CDH12: variants seen among roughly 807,000 people sequenced by gnomAD.
The protein encoded by CDH12 is cadherin-12.
CDH12 carries 41 observed loss-of-function variants against 74.1 expected under a neutral mutation model. The ratio of observed to expected loss-of-function variants is 0.55; its 90% CI spans 0.43 to 0.72. The LOEUF is 0.72. Among genes scored for constraint, CDH12 ranks in the 30% least tolerant of loss-of-function variants. The probability of loss-of-function intolerance (pLI) is 0.00; values close to 1 mark genes in which losing one functional copy is unlikely to be tolerated. For synonymous variants in CDH12, 399 were observed against 355.0 expected (o/e 1.12, Z -1.39); for missense variants, 945 against 977.2 (o/e 0.97, Z 0.44).
intron 1 of CDH12, among the ~76,000 whole-genome samples, chr5:22,695,994 T>C (rs1418926532): frequency 2.6e-5 from 4 of 152,114 alleles, no homozygotes; most frequent in African/African-American, 7.2e-5. Flanking sequence ...TTCAGTTGAG[T>C]TTTAAATTAG....
chr5:22,370,125 G>T (rs1264496148), intron 3 of CDH12, among the ~76,000 whole-genome samples: 1 of 152,066 alleles, frequency 6.6e-6, no homozygotes, highest in Non-Finnish European at 1.5e-5. Context: ...CACTCAAATA[G>T]CAACATTAAG....
chr5:21,811,957 G>T (rs1290093092), intron 9 of CDH12, among the ~76,000 whole-genome samples: 3 of 151,910 alleles, frequency 2.0e-5, no homozygotes, highest in Non-Finnish European at 4.4e-5. Flanking sequence ...AAATAAAAAT[G>T]CCTTTCTTCA....
chr5:22,117,550 C>T (rs7445535), intron 4 of CDH12, among the ~76,000 whole-genome samples: 4 of 99,492 alleles, frequency 4.0e-5, no homozygotes, highest in Admixed American at 1.2e-4. Context: ...ATAGTGTGTG[C>T]GTGTGTGTTT....
At chr5:21,968,387 C>T (rs546317287) in intron 6 of CDH12, among the ~76,000 whole-genome samples, 1 of 152,170 alleles carries the variant, frequency 6.6e-6, no homozygotes, top group East Asian at 1.9e-4. Flanking sequence ...CTACATACAA[C>T]TAGGAAATGA....
chr5:22,499,072 T>G, intron 2 of CDH12, among the ~76,000 whole-genome samples: 1 of 146,660 alleles, frequency 6.8e-6, no homozygotes, highest in East Asian at 2.0e-4. Context: ...CCCGGCTAAT[T>G]TTTTTTTTTT....
chr5:22,039,280 G>C (rs1739409639), intron 5 of CDH12, among the ~76,000 whole-genome samples: 1 of 152,042 alleles, frequency 6.6e-6, no homozygotes, highest in Non-Finnish European at 1.5e-5. Context: ...CTTCTCCAGA[G>C]CTGGGCCCTG....
In CDH12 at chr5:21,990,754, A is replaced by G. The variant is rs567204666; in HGVS notation, c.232-15369T>C. Among the ~76,000 whole-genome samples the G allele has an allele frequency of 3.9e-4, 59 of 151,134 alleles. 1 individual carries two copies. The highest frequency in any genetic ancestry group is 1.3e-3 in the African/African-American group (53 of 41,396). ...ACACTATGATTACAATCCTTCTATT[A>G]GCATTCTCATGTTGTAGATACAGAA... On this transcript the variant is annotated intron_variant, in intron 5 of 14. Transcript: ENST00000382254.
chr5:21,940,063 A>T (rs373749048), intron 6 of CDH12, among the ~76,000 whole-genome samples: 1,968 of 152,062 alleles, frequency 0.013, 14 homozygotes, highest in African/African-American at 0.023. Flanking sequence ...TCTACTTAAA[A>T]AAATAAATAA....
chr5:22,666,135 T>G (rs546985837), intron 1 of CDH12, among the ~76,000 whole-genome samples: 116 of 152,244 alleles, frequency 7.6e-4, no homozygotes, highest in Non-Finnish European at 1.3e-3. Flanking sequence ...CCTCAGTAAA[T>G]GGACCCAATT....
At chr5:22,080,899 C>A (rs780639729) in intron 4 of CDH12, among the ~76,000 whole-genome samples, 17 of 152,024 alleles carry the variant, frequency 1.1e-4, no homozygotes, top group African/African-American at 4.1e-4. Context: ...TCTGACTCAG[C>A]CTCCCGAGTA....
At chr5:22,010,019 G>A (rs542951674) in intron 5 of CDH12, among the ~76,000 whole-genome samples, 15 of 151,432 alleles carry the variant, frequency 9.9e-5, no homozygotes, top group Admixed American at 3.9e-4. Context: ...CTAGTTTCTC[G>A]TTTTAAGAGA....
chr5:22,332,514 C>T (rs891581853), intron 3 of CDH12, among the ~76,000 whole-genome samples: 10 of 152,226 alleles, frequency 6.6e-5, no homozygotes, highest in African/African-American at 2.4e-4. Context: ...GAACTAACAT[C>T]AGAGTGAACA....
chr5:22,360,917 G>A (rs1358393231), intron 3 of CDH12, among the ~76,000 whole-genome samples: 2 of 152,160 alleles, frequency 1.3e-5, no homozygotes, highest in Non-Finnish European at 2.9e-5. Flanking sequence ...ATTAGGCATT[G>A]ATGGGATGTA....
chr5:22,832,907 T>G (rs1736680720), intron 1 of CDH12, among the ~76,000 whole-genome samples: 1 of 152,222 alleles, frequency 6.6e-6, no homozygotes, highest in African/African-American at 2.4e-5. Context: ...ATATGCATCT[T>G]CAGCGCCATT....
chr5:22,630,820 C>G (rs1282890016), intron 1 of CDH12, among the ~76,000 whole-genome samples: 1 of 151,972 alleles, frequency 6.6e-6, no homozygotes, highest in East Asian at 1.9e-4. Flanking sequence ...TTCTGCACAA[C>G]AAAGGAAACT....
At chr5:22,823,666 C>T (rs1411334836) in intron 1 of CDH12, among the ~76,000 whole-genome samples, 1 of 152,082 alleles carries the variant, frequency 6.6e-6, no homozygotes, top group Non-Finnish European at 1.5e-5. Context: ...AGAAAGGGAC[C>T]TGGCAGGAGG....
intron 3 of CDH12, among the ~76,000 whole-genome samples, chr5:22,318,079 T>C (rs1738708269): frequency 6.6e-6 from 1 of 152,214 alleles, no homozygotes; most frequent in African/African-American, 2.4e-5. Flanking sequence ...TTTGAGGAAA[T>C]GAAAGAACTG....
chr5:21,999,118 C>A (rs1245990077), intron 5 of CDH12, among the ~76,000 whole-genome samples: 1 of 151,918 alleles, frequency 6.6e-6, no homozygotes, highest in Non-Finnish European at 1.5e-5. Context: ...TTCCTTTTTT[C>A]TTTATTTATT....
rs554300601 is a variant in CDH12 at position 22,290,318 on chromosome 5, T to C, written c.-332-77675A>G. On this transcript the variant is annotated intron_variant, in intron 3 of 14. Coordinates refer to ENST00000382254, the MANE Select transcript of CDH12 (RefSeq NM_004061.5). ...AAACATCGAGATGGATTGATTGACT[T>C]TCTCACAAAAAAAATTGAAAATTAT... is the stretch of plus-strand genomic sequence containing the variant. Among the ~76,000 whole-genome samples, 21 of 152,164 alleles carry C rather than the reference T, an allele frequency of 1.4e-4. No individual in the cohort carries two copies. In the South Asian group the frequency reaches 4.4e-3, roughly 32 times the overall value.
Sources: allele counts gnomAD v4.1 joint callset (sites outside exome capture counted in the v4.1 genomes callset), GRCh38; gene constraint gnomAD v4.1.1; transcripts MANE v1.5; gene names NCBI Gene and HGNC (gene_info 2026-07-23, HGNC 2026-07-21).